The following TMEM132C variants were observed in gnomAD, a reference collection of about 807,000 sequenced individuals.
The protein encoded by TMEM132C is transmembrane protein 132C, also known as protein phosphatase 1, regulatory subunit 152.
Under a neutral mutation model 61.4 loss-of-function variants are expected in TMEM132C, and 29 were observed. That is an observed-to-expected ratio of 0.47 (90% CI 0.35 to 0.64). TMEM132C has a LOEUF of 0.64. Ranked by LOEUF, TMEM132C falls within the 30% of genes least tolerant of loss-of-function variation. The pLI, the probability that TMEM132C is intolerant of heterozygous loss-of-function variation, is 0.00. For synonymous variants in TMEM132C, 656 were observed against 633.1 expected, an observed-to-expected ratio of 1.04 and a Z score of -0.54; for missense variants, 1,408 against 1,476.9, an observed-to-expected ratio of 0.95 and a Z score of 0.76.
chr12:128,435,223 T>A (rs1869540972), intron 2 of TMEM132C, among the ~76,000 whole-genome samples: 1 of 152,220 alleles, frequency 6.6e-6, no homozygotes, highest in African/African-American at 2.4e-5. Context: ...TGTCCATTGT[T>A]TAAACCACCC....
chr12:128,359,330 A>T (rs749003753), intron 1 of TMEM132C, among the ~76,000 whole-genome samples: 3 of 152,182 alleles, frequency 2.0e-5, no homozygotes, highest in Non-Finnish European at 4.4e-5. Flanking sequence ...AAGAGAGAGC[A>T]TGTGCAGGGG....
intron 1 of TMEM132C, among the ~76,000 whole-genome samples, chr12:128,282,564 C>T (rs1414501146): frequency 6.6e-6 from 1 of 152,222 alleles, no homozygotes; most frequent in Admixed American, 6.5e-5. Context: ...ATCCAGTCAC[C>T]TCCCACTAGG....
intron 4 of TMEM132C, among the ~76,000 whole-genome samples, chr12:128,628,909 C>A (rs1041826535): frequency 2.6e-5 from 4 of 152,216 alleles, no homozygotes; most frequent in Non-Finnish European, 5.9e-5. Flanking sequence ...TAAAAGCTGT[C>A]AGCCTTTATT....
chr12:128,271,019 CA>C, intron 1 of TMEM132C, among the ~76,000 whole-genome samples: 1 of 152,036 alleles, frequency 6.6e-6, no homozygotes, highest in East Asian at 1.9e-4. Flanking sequence ...CTTTGGGAGG[CA>C]AAGACAGTGG....
chr12:128,642,320 T>C (rs61940565), intron 4 of TMEM132C, among the ~76,000 whole-genome samples: 14,272 of 151,968 alleles, frequency 0.094, 717 homozygotes, highest in African/African-American at 0.11. Flanking sequence ...TTAGTAGAGA[T>C]GGGGTTTCAC....
chr12:128,603,722 G>A (rs1253397320), intron 3 of TMEM132C, among the ~76,000 whole-genome samples: 1 of 152,086 alleles, frequency 6.6e-6, no homozygotes, highest in Admixed American at 6.5e-5. Context: ...TACCTTCCAG[G>A]ACTCAGGGTG....
At chr12:128,432,674 GAGAT>G (rs1485803985) in intron 2 of TMEM132C, among the ~76,000 whole-genome samples, 2 of 152,210 alleles carry the variant, frequency 1.3e-5, no homozygotes, top group Non-Finnish European at 2.9e-5. Flanking sequence ...AGTGTTTTCT[GAGAT>G]AGAATCTACT....
chr12:128,410,783 A>T (rs574338269), intron 1 of TMEM132C, among the ~76,000 whole-genome samples: 2 of 152,326 alleles, frequency 1.3e-5, no homozygotes, highest in Middle Eastern at 6.8e-3. Flanking sequence ...ATTAACATTG[A>T]TACAAAATTA....
At chr12:128,633,578 A>G (rs1014138121) in intron 4 of TMEM132C, among the ~76,000 whole-genome samples, 5 of 152,212 alleles carry the variant, frequency 3.3e-5, no homozygotes, top group African/African-American at 1.2e-4. Context: ...AAAGCTTTTT[A>G]CAGTTCTCAA....
intron 4 of TMEM132C, among the ~76,000 whole-genome samples, chr12:128,663,955 C>A (rs998239679): frequency 1.3e-4 from 12 of 93,818 alleles, no homozygotes; most frequent in African/African-American, 4.0e-4. Flanking sequence ...CAGGCACACA[C>A]ACATACAGGC....
intron 4 of TMEM132C, among the ~76,000 whole-genome samples, chr12:128,642,878 C>T (rs1593130974): frequency 1.3e-5 from 2 of 152,238 alleles, no homozygotes; most frequent in Admixed American, 1.3e-4. Flanking sequence ...AGCGAACTGG[C>T]TTCCAAGTGT....
At chr12:128,285,191 C>T (rs978666496) in intron 1 of TMEM132C, among the ~76,000 whole-genome samples, 2 of 152,072 alleles carry the variant, frequency 1.3e-5, no homozygotes, top group African/African-American at 2.4e-5. Context: ...CTATGATGAA[C>T]AACAATTTAT....
intron 1 of TMEM132C, among the ~76,000 whole-genome samples, chr12:128,306,302 T>C (rs1417861603): frequency 2.6e-5 from 4 of 151,824 alleles, no homozygotes; most frequent in Admixed American, 6.6e-5. Flanking sequence ...CCCCGGGTTC[T>C]GCCATACTCC....
chr12:128,418,586 G>A (rs1024769920), intron 2 of TMEM132C, among the ~76,000 whole-genome samples: 16 of 152,192 alleles, frequency 1.1e-4, no homozygotes, highest in African/African-American at 3.6e-4. Flanking sequence ...GTAAGAAGTT[G>A]CAAAAATAGT....
chr12:128,600,587 C>T (rs1876147899), intron 3 of TMEM132C, among the ~76,000 whole-genome samples: 1 of 152,186 alleles, frequency 6.6e-6, no homozygotes, highest in Non-Finnish European at 1.5e-5. Flanking sequence ...TGCAGCTGGG[C>T]ACCACAGGGG....
chr12:128,607,029 GT>G (rs1876450730), intron 3 of TMEM132C, among the ~76,000 whole-genome samples: 1 of 152,154 alleles, frequency 6.6e-6, no homozygotes, highest in Admixed American at 6.5e-5. Context: ...AGGTCGGAGG[GT>G]GACGAGTGCT....
chr12:128,538,918 A>G (rs1873635268), intron 2 of TMEM132C, among the ~76,000 whole-genome samples: 1 of 152,214 alleles, frequency 6.6e-6, no homozygotes, highest in African/African-American at 2.4e-5. Context: ...GTATTAAATT[A>G]TGATTACTTT....
intron 2 of TMEM132C, among the ~76,000 whole-genome samples, chr12:128,489,361 G>A (rs1871625483): frequency 6.9e-6 from 1 of 144,224 alleles, no homozygotes; most frequent in African/African-American, 2.5e-5. Context: ...GAGAAAGGAG[G>A]CGAGAATAAA....
At chr12:128,362,298 G>A (rs1255046881) in intron 1 of TMEM132C, among the ~76,000 whole-genome samples, 1 of 152,098 alleles carries the variant, frequency 6.6e-6, no homozygotes, top group Non-Finnish European at 1.5e-5. Context: ...GGGGACGGGT[G>A]CCTCATCACC....
Sources: allele counts gnomAD v4.1 joint callset (sites outside exome capture counted in the v4.1 genomes callset), GRCh38; gene constraint gnomAD v4.1.1; transcripts MANE v1.5; gene names NCBI Gene and HGNC (gene_info 2026-07-23, HGNC 2026-07-21).